Variants in INPP5A observed in about 807,000 individuals in gnomAD.
INPP5A encodes 43 kDa inositol polyphosphate 5-phophatase.
In INPP5A, 14 loss-of-function variants were observed where a neutral mutation model predicts 65.2. The ratio of observed to expected loss-of-function variants is 0.21; its 90% CI spans 0.14 to 0.34. The LOEUF (loss-of-function observed/expected upper bound fraction) is 0.34, where lower values mean the gene tolerates loss of function less well. INPP5A is among the 10% of genes least tolerant of loss of function. The pLI is 1.00. For missense variants in INPP5A, 431 were observed against 545.6 expected (o/e 0.79, Z 2.09); for synonymous variants, 207 against 208.3 (o/e 0.99, Z 0.05).
chr10:132,682,864 A>G (rs542475369), intron 4 of INPP5A, among the ~76,000 whole-genome samples: 3 of 150,138 alleles, frequency 2.0e-5, no homozygotes, highest in East Asian at 2.0e-4. Flanking sequence ...TCTGTGTATT[A>G]TATACATATG....
chr10:132,615,205 G>A (rs1367255009), intron 2 of INPP5A, among the ~76,000 whole-genome samples: 2 of 152,254 alleles, frequency 1.3e-5, no homozygotes, highest in East Asian at 3.8e-4. Flanking sequence ...TGAATTCCCA[G>A]CACTGTCTCG....
At chr10:132,576,517 G>C (rs1439236060) in intron 1 of INPP5A, among the ~76,000 whole-genome samples, 1 of 152,154 alleles carries the variant, frequency 6.6e-6, no homozygotes, top group Admixed American at 6.5e-5. Context: ...GCTGGGAGGG[G>C]TCCTCTGCTC....
In INPP5A at chr10:132,775,388, G is replaced by A. The variant is rs550098991; in HGVS notation, c.978-2283G>A. Among the ~76,000 whole-genome samples the A allele has an allele frequency of 1.7e-4, 26 of 152,052 alleles. No homozygotes were observed. The East Asian group carries it at 2.1e-3, about 12-fold the overall frequency. On this transcript the variant is annotated intron_variant, in intron 12 of 15. Transcript: ENST00000368594. ...AAGCCCACATGCCTGGCACTCCCAC[G>A]TCAGTCACTGCTGGGCAGCGTCCAG... is the stretch of plus-strand genomic sequence containing the variant.
intron 1 of INPP5A, among the ~76,000 whole-genome samples, chr10:132,570,411 G>T (rs2071326832): frequency 2.0e-5 from 3 of 152,180 alleles, no homozygotes; most frequent in African/African-American, 7.2e-5. Flanking sequence ...AGGAGTTCGG[G>T]TGGAGCTGGA....
rs1847197721 is a variant in INPP5A at position 132,783,165 on chromosome 10, G to A, written c.*1136G>A. On this transcript the variant is annotated 3_prime_UTR_variant, in exon 16 of 16. Coordinates refer to ENST00000368594, the MANE Select transcript of INPP5A (RefSeq NM_005539.5). ...ATAGCAGTAAGTACAGCATTAGAAG[G>A]TGATTAGAGAGTCTGTTGATGAAAC... The A allele has an allele frequency of 6.6e-6, 1 of 152,430 alleles. No individual in the cohort carries two copies. Among genetic ancestry groups the A allele is most frequent in the Non-Finnish European group, 1.5e-5 (1 of 68,046 alleles). 9.4% of individuals were successfully genotyped at this position (152,430 alleles called of 1,614,324 possible). A position where few individuals can be genotyped will look rare whatever the true frequency, so the allele number is the denominator to read the frequency against.
chr10:132,581,227 G>A (rs1314213519), intron 1 of INPP5A, among the ~76,000 whole-genome samples: 1 of 152,192 alleles, frequency 6.6e-6, no homozygotes, highest in Non-Finnish European at 1.5e-5. Context: ...GTAGTCCTTT[G>A]TGGGAGTGTA....
At chr10:132,733,803 C>A (rs1329880412) in intron 9 of INPP5A, among the ~76,000 whole-genome samples, 1 of 152,226 alleles carries the variant, frequency 6.6e-6, no homozygotes, top group Non-Finnish European at 1.5e-5. Context: ...CCTGAACAGG[C>A]TGATTTCAGC....
intron 9 of INPP5A, among the ~76,000 whole-genome samples, chr10:132,743,204 A>C (rs1398330674): frequency 7.1e-6 from 1 of 140,572 alleles, no homozygotes; most frequent in Non-Finnish European, 1.5e-5. Flanking sequence ...CCAGCGCTGC[A>C]CTCAGCCCCA....
At chr10:132,766,259 A>G (rs1465089211) in intron 12 of INPP5A, among the ~76,000 whole-genome samples, 1 of 152,248 alleles carries the variant, frequency 6.6e-6, no homozygotes, top group Non-Finnish European at 1.5e-5. Flanking sequence ...TTTTCATGAC[A>G]TGAAAAAAGC....
At chr10:132,693,465 A>G (rs1162548909) in intron 5 of INPP5A, among the ~76,000 whole-genome samples, 1 of 152,202 alleles carries the variant, frequency 6.6e-6, no homozygotes, top group Non-Finnish European at 1.5e-5. Context: ...TAGATAAGGG[A>G]TGGAGGAAGG....
intron 11 of INPP5A, among the ~76,000 whole-genome samples, chr10:132,760,422 C>T (rs573634545): frequency 5.3e-5 from 8 of 152,356 alleles, no homozygotes; most frequent in East Asian, 1.9e-4. Context: ...GCTGTGGGCC[C>T]GCTGTGAGCA....
chr10:132,723,734 G>A (rs1410134923), intron 8 of INPP5A, among the ~76,000 whole-genome samples: 1 of 152,118 alleles, frequency 6.6e-6, no homozygotes, highest in Non-Finnish European at 1.5e-5. Context: ...GCCTACACCT[G>A]GGCTTGGCTG....
intron 1 of INPP5A, among the ~76,000 whole-genome samples, chr10:132,591,545 A>T (rs968303151): frequency 6.6e-6 from 1 of 152,264 alleles, no homozygotes; most frequent in East Asian, 1.9e-4. Flanking sequence ...CAATGTTCAC[A>T]TATGCAAAAG....
In INPP5A at chr10:132,616,835, G is replaced by A. The variant is rs558723362; in HGVS notation, c.117+8879G>A. ...GGCGAGTGGCACCATGCAGCAGGGA[G>A]GAAGGCCAGCTTCACGCTGCAGGAG... On this transcript the variant is annotated intron_variant, in intron 2 of 15. Transcript: ENST00000368594. This position sits in a 1 kb window ranked among gnomAD's most constrained non-coding sequence, Gnocchi z 4.9. 6.6e-6 allele frequency among the ~76,000 whole-genome samples: 1 copy of A among 152,180 alleles called. No individual in the cohort carries two copies. The highest frequency in any genetic ancestry group is 6.5e-5 in the Admixed American group (1 of 15,296).
At chr10:132,686,973 C>CT (rs1447702456) in intron 4 of INPP5A, among the ~76,000 whole-genome samples, 15 of 152,216 alleles carry the variant, frequency 9.9e-5, no homozygotes, top group African/African-American at 3.6e-4. Flanking sequence ...GAGACGGAGT[C>CT]TCGCCCTGTC....
At chr10:132,584,811 C>G (rs910921339) in intron 1 of INPP5A, among the ~76,000 whole-genome samples, 4 of 152,214 alleles carry the variant, frequency 2.6e-5, no homozygotes, top group Non-Finnish European at 5.9e-5. Context: ...TCACAGTTCC[C>G]TGCCTCAACC....
chr10:132,656,141 C>G (rs1297570224), intron 4 of INPP5A, among the ~76,000 whole-genome samples: 2 of 152,242 alleles, frequency 1.3e-5, no homozygotes, highest in Non-Finnish European at 2.9e-5. Flanking sequence ...ACTGAAAGCC[C>G]TAGAGGGAAG....
chr10:132,567,681 C>A (rs568723467), intron 1 of INPP5A, among the ~76,000 whole-genome samples: 139 of 152,330 alleles, frequency 9.1e-4, no homozygotes, highest in African/African-American at 3.3e-3. Context: ...GGGGCTCGGT[C>A]TGATTTCCAA....
chr10:132,714,362 T>C (rs1388721494), intron 8 of INPP5A, among the ~76,000 whole-genome samples: 1 of 152,168 alleles, frequency 6.6e-6, no homozygotes, highest in East Asian at 1.9e-4. Flanking sequence ...GCTAACCTCT[T>C]GGCAGCCACC....
Sources: gnomAD v4.1 joint callset for allele counts (sites outside exome capture counted in the v4.1 genomes callset) on GRCh38, gnomAD v4.1.1 for gene constraint, Gnocchi (gnomAD v3.1) non-coding constraint, MANE v1.5 for transcripts, NCBI Gene and HGNC (gene_info 2026-07-23, HGNC 2026-07-21) for gene names.